ITGA11: variants seen among roughly 807,000 people sequenced by gnomAD.
ITGA11 encodes the protein integrin alpha-11.
Under a neutral mutation model 141.9 loss-of-function variants are expected in ITGA11, and 97 were observed. The observed-to-expected ratio is 0.68, with a 90% CI of 0.58 to 0.81. The LOEUF is 0.81. Ranked by LOEUF, ITGA11 falls within the 30% of genes least tolerant of loss-of-function variation. The probability of loss-of-function intolerance (pLI) is 0.00; values close to 1 mark genes in which losing one functional copy is unlikely to be tolerated. For missense variants in ITGA11, 1,387 were observed against 1,559.2 expected (o/e 0.89, Z 1.86); for synonymous variants, 658 against 624.6 (o/e 1.05, Z -0.80).
chr15:68,391,983 G>A (rs1327705065), intron 2 of ITGA11, among the ~76,000 whole-genome samples: 1 of 152,204 alleles, frequency 6.6e-6, no homozygotes, highest in East Asian at 1.9e-4. Flanking sequence ...TTATGTCTGG[G>A]CTGGTTGAAA....
intron 24 of ITGA11, 86 bp from the exon 25 acceptor site, chr15:68,311,489 G>C: frequency 2.2e-6 from 2 of 897,408 alleles, no homozygotes; most frequent in African/African-American, 1.7e-5. Flanking sequence ...GCCCCTGGGG[G>C]TGGCAATTCC....
intron 10 of ITGA11, among the ~76,000 whole-genome samples, chr15:68,340,413 T>G (rs1490849562): frequency 6.6e-6 from 1 of 152,170 alleles, no homozygotes; most frequent in Non-Finnish European, 1.5e-5. Context: ...GAACAGTTTG[T>G]GCAAAGGCTC....
intron 5 of ITGA11, among the ~76,000 whole-genome samples, chr15:68,359,900 A>G (rs1196486401): frequency 3.3e-5 from 5 of 152,250 alleles, no homozygotes; most frequent in African/African-American, 1.2e-4. Flanking sequence ...CTTTATAACA[A>G]TGCTGCATGA....
chr15:68,354,851 T>C (rs1342757686), intron 7 of ITGA11, among the ~76,000 whole-genome samples: 1 of 152,198 alleles, frequency 6.6e-6, no homozygotes, highest in Non-Finnish European at 1.5e-5. Context: ...TCTTTGCCCT[T>C]TCATAGGTGC....
intron 1 of ITGA11, among the ~76,000 whole-genome samples, chr15:68,413,052 C>T (rs898094401): frequency 2.6e-5 from 4 of 152,112 alleles, no homozygotes; most frequent in African/African-American, 7.2e-5. Context: ...TGTTTTTCTA[C>T]AGCGAATCTC....
intron 10 of ITGA11, among the ~76,000 whole-genome samples, chr15:68,339,866 T>C (rs906179376): frequency 1.8e-4 from 27 of 152,150 alleles, no homozygotes; most frequent in African/African-American, 5.8e-4. Flanking sequence ...ATGGGTCAAA[T>C]TGATCCCAAG....
In ITGA11 at chr15:68,369,315, T is replaced by C. The variant is rs139584172; in HGVS notation, c.165-31A>G. 7.3e-4 allele frequency: 943 copies of C among 1,288,882 alleles called. 6 individuals are homozygous for C. The African/African-American group carries it at 0.013, about 17-fold the overall frequency. The allele number at this position is 1,288,882 out of a possible 1,614,324, so 79.8% of individuals were successfully genotyped here. A position where few individuals can be genotyped will look rare whatever the true frequency, so the allele number is the denominator to read the frequency against. ...AAGGAAGAGAAGATGAGCAAAGACA[T>C]TGGGGGAGGTACTCTTTCCTGGCAG... On this transcript the variant is annotated intron_variant, in intron 2 of 29. Transcript: ENST00000315757.
rs1893099538 is a variant in ITGA11 at position 68,303,668 on chromosome 15, C to T, written c.3495+104G>A. ...TATGGCGAGGGGTGGGGTGCCAGCT[C>T]CCCTGGAGAGGAGAACGTGGCAGCG... On this transcript the variant is annotated intron_variant, in intron 29 of 29. Transcript: ENST00000315757. The surrounding 1 kb of genome is among the most constrained non-coding windows in gnomAD (Gnocchi z 5.3). The T allele has an allele frequency of 6.8e-6, 5 of 740,644 alleles. No homozygotes were observed. In the South Asian group the frequency reaches 7.0e-5, roughly 10 times the overall value. The allele number at this position is 740,644 out of a possible 1,614,324, so 45.9% of individuals were successfully genotyped here. A position where few individuals can be genotyped will look rare whatever the true frequency, so the allele number is the denominator to read the frequency against.
intron 3 of ITGA11, among the ~76,000 whole-genome samples, chr15:68,368,860 C>CTTTTT (rs34788905): frequency 2.2e-5 from 3 of 134,844 alleles, no homozygotes; most frequent in Non-Finnish European, 3.1e-5. Flanking sequence ...ACAGGAAGTC[C>CTTTTT]TTTTTTTTTT....
intron 2 of ITGA11, among the ~76,000 whole-genome samples, chr15:68,384,452 T>A (rs1895935339): frequency 6.6e-6 from 1 of 152,076 alleles, no homozygotes; most frequent in South Asian, 2.1e-4. Flanking sequence ...GCTTTGTGCA[T>A]TTGAGGGCCT....
chr15:68,415,079 T>C (rs1002660562), intron 1 of ITGA11, among the ~76,000 whole-genome samples: 23 of 152,296 alleles, frequency 1.5e-4, no homozygotes, highest in Admixed American at 1.4e-3. Flanking sequence ...GCATCTTACT[T>C]CTCTGCCAAA....
chr15:68,402,715 G>A (rs1169003314), intron 2 of ITGA11, among the ~76,000 whole-genome samples: 2 of 152,166 alleles, frequency 1.3e-5, no homozygotes, highest in Non-Finnish European at 2.9e-5. Context: ...GAAGATACAG[G>A]GCTTGAGAAA....
Position 68,358,442 on chromosome 15 carries a change from C to A in ITGA11, c.600+16G>T. On this transcript the variant is annotated intron_variant, in intron 6 of 29. Coordinates refer to ENST00000315757, the MANE Select transcript of ITGA11 (RefSeq NM_001004439.2). ...TGGCCCTGTTCAGAAGTGGAAAGAG[C>A]CCAAGAGATGCTCACCTGGATCTGC... 1 of 1,596,390 alleles carries A rather than the reference C, an allele frequency of 6.3e-7. No individual in the cohort carries two copies. Among genetic ancestry groups the A allele is most frequent in the Non-Finnish European group, 8.5e-7 (1 of 1,171,246 alleles).
At chr15:68,391,977 G>A (rs2140392156) in intron 2 of ITGA11, among the ~76,000 whole-genome samples, 1 of 152,306 alleles carries the variant, frequency 6.6e-6, no homozygotes, top group South Asian at 2.1e-4. Context: ...TGCATCTTAT[G>A]TCTGGGCTGG....
Position 68,325,093 on chromosome 15 carries a change from G to C in ITGA11, c.2322+38C>G, listed in dbSNP as rs1331455062. 2.0e-6 allele frequency: 3 copies of C among 1,478,156 alleles called. No individual in the cohort carries two copies. The African/African-American group carries it at 4.1e-5, about 20-fold the overall frequency. The allele number at this position is 1,478,156 out of a possible 1,614,324, so 91.6% of individuals were successfully genotyped here. Reference sequence around the variant, plus strand: ...GGGTTGAGGTGGAGGTGGGGGTGGGGTTCATGCCCGAGGTGCGTGCCCTGT... The same window carrying C: ...GGGTTGAGGTGGAGGTGGGGGTGGGCTTCATGCCCGAGGTGCGTGCCCTGT... On this transcript the variant is annotated intron_variant, in intron 18 of 29. Coordinates refer to ENST00000315757, the MANE Select transcript of ITGA11 (RefSeq NM_001004439.2). This position sits in a 1 kb window ranked among gnomAD's most constrained non-coding sequence, Gnocchi z 5.5.
chr15:68,382,360 G>A (rs73431893), intron 2 of ITGA11, among the ~76,000 whole-genome samples: 15,117 of 152,186 alleles, frequency 0.099, 1,236 homozygotes, highest in East Asian at 0.23. Flanking sequence ...CACTCACCTG[G>A]TCTCCTGCCT....
intron 22 of ITGA11, 87 bp downstream of exon 22, chr15:68,315,564 A>G: frequency 2.7e-6 from 3 of 1,102,930 alleles, no homozygotes; most frequent in Non-Finnish European, 4.1e-6. Context: ...CAGCGGACTC[A>G]GTGTCGGGAG....
At chr15:68,386,365 C>A (rs1895985309) in intron 2 of ITGA11, among the ~76,000 whole-genome samples, 1 of 152,160 alleles carries the variant, frequency 6.6e-6, no homozygotes, top group African/African-American at 2.4e-5. Flanking sequence ...CCTCGCAGTC[C>A]ATCCTCAGGA....
intron 1 of ITGA11, among the ~76,000 whole-genome samples, chr15:68,430,535 TC>T (rs890183744): frequency 2.6e-5 from 4 of 152,160 alleles, no homozygotes; most frequent in African/African-American, 9.7e-5. Context: ...AGCCACTCCT[TC>T]CCAAGGTTCT....
Sources: allele counts gnomAD v4.1 joint callset (sites outside exome capture counted in the v4.1 genomes callset), GRCh38; gene constraint gnomAD v4.1.1; non-coding constraint Gnocchi (gnomAD v3.1); transcripts MANE v1.5; gene names NCBI Gene and HGNC (gene_info 2026-07-23, HGNC 2026-07-21).